The following SLC35F3 variants were observed in gnomAD, a reference collection of about 807,000 sequenced individuals.
SLC35F3 encodes the protein putative thiamine transporter SLC35F3.
In SLC35F3, 25 loss-of-function variants were observed where a neutral mutation model predicts 49.9. That is an observed-to-expected ratio of 0.50 (90% CI 0.37 to 0.70). The LOEUF is 0.70. Among genes scored for constraint, SLC35F3 ranks in the 30% least tolerant of loss-of-function variants. The probability of loss-of-function intolerance (pLI) is 0.00; values close to 1 mark genes in which losing one functional copy is unlikely to be tolerated. For synonymous variants in SLC35F3, 275 were observed against 265.4 expected, an observed-to-expected ratio of 1.04 and a Z score of -0.35; for missense variants, 525 against 639.8, an observed-to-expected ratio of 0.82 and a Z score of 1.94.
At chr1:234,135,946 C>G (rs1030878141) in intron 2 of SLC35F3, among the ~76,000 whole-genome samples, 1 of 152,068 alleles carries the variant, frequency 6.6e-6, no homozygotes, top group Non-Finnish European at 1.5e-5. Context: ...TAACTCTTTT[C>G]TGCACCGTGC....
At chr1:234,132,398 C>A (rs564842415) in intron 2 of SLC35F3, among the ~76,000 whole-genome samples, 361 of 152,286 alleles carry the variant, frequency 2.4e-3, no homozygotes, top group African/African-American at 8.2e-3. Flanking sequence ...AAGATAATTT[C>A]TGGAAGTAGA....
chr1:233,996,495 G>T (rs979639433), intron 2 of SLC35F3, among the ~76,000 whole-genome samples: 2 of 151,916 alleles, frequency 1.3e-5, no homozygotes, highest in African/African-American at 4.8e-5. Flanking sequence ...GCCAATTCAG[G>T]TGAGGAAAAG....
At chr1:234,265,937 G>A (rs1481456616) in intron 3 of SLC35F3, among the ~76,000 whole-genome samples, 1 of 152,036 alleles carries the variant, frequency 6.6e-6, no homozygotes, top group Non-Finnish European at 1.5e-5. Flanking sequence ...CATGACGTCT[G>A]CAGGCCTCAC....
chr1:234,236,810 C>T (rs1176069945), intron 3 of SLC35F3, among the ~76,000 whole-genome samples: 1 of 151,584 alleles, frequency 6.6e-6, no homozygotes, highest in Admixed American at 6.6e-5. Context: ...TCCAGGTCAA[C>T]ATATACTTCT....
intron 2 of SLC35F3, among the ~76,000 whole-genome samples, chr1:233,998,859 G>A (rs1417681496): frequency 6.6e-6 from 1 of 152,098 alleles, no homozygotes; most frequent in African/African-American, 2.4e-5. Flanking sequence ...GATCATTTTG[G>A]TACTTATTAA....
chr1:234,247,422 G>C (rs1667651449), intron 3 of SLC35F3, among the ~76,000 whole-genome samples: 1 of 152,058 alleles, frequency 6.6e-6, no homozygotes, highest in Admixed American at 6.6e-5. Context: ...TTGTTTGGTG[G>C]GTTGGTTGGT....
chr1:234,267,511 ACC>A (rs1254802490), intron 3 of SLC35F3, among the ~76,000 whole-genome samples: 1 of 128,304 alleles, frequency 7.8e-6, no homozygotes, highest in African/African-American at 3.3e-5. Flanking sequence ...CGGGGGGCTG[ACC>A]CCCCCACCTC....
intron 2 of SLC35F3, among the ~76,000 whole-genome samples, chr1:234,003,284 T>C (rs112217588): frequency 6.6e-6 from 1 of 152,200 alleles, no homozygotes; most frequent in Non-Finnish European, 1.5e-5. Context: ...ACTGTCTCCA[T>C]ATCAGGACCT....
intron 2 of SLC35F3, among the ~76,000 whole-genome samples, chr1:234,194,426 G>A (rs1260116657): frequency 6.6e-6 from 1 of 152,130 alleles, no homozygotes; most frequent in Non-Finnish European, 1.5e-5. Context: ...ATAATACAGT[G>A]GAATTTGGGG....
At chr1:234,188,237 CAAAA>C (rs112150679) in intron 2 of SLC35F3, among the ~76,000 whole-genome samples, 1 of 119,290 alleles carries the variant, frequency 8.4e-6, no homozygotes. Context: ...AACTCCGCCT[CAAAA>C]AAAAAAAAAA....
intron 6 of SLC35F3, among the ~76,000 whole-genome samples, chr1:234,319,773 G>C (rs1024642647): frequency 2.6e-5 from 4 of 152,186 alleles, no homozygotes; most frequent in African/African-American, 4.8e-5. Context: ...TGTTCATGCA[G>C]TTATCCCAGA....
intron 2 of SLC35F3, among the ~76,000 whole-genome samples, chr1:234,064,165 A>C (rs956531629): frequency 6.6e-6 from 1 of 152,068 alleles, no homozygotes; most frequent in African/African-American, 2.4e-5. Flanking sequence ...ATAGCCCTAG[A>C]TCCCCTCCAT....
intron 3 of SLC35F3, among the ~76,000 whole-genome samples, chr1:234,251,343 T>C (rs1667734722): frequency 6.6e-6 from 1 of 152,020 alleles, no homozygotes; most frequent in Non-Finnish European, 1.5e-5. Context: ...TGAGTGGATG[T>C]ATGATTTTCA....
intron 3 of SLC35F3, among the ~76,000 whole-genome samples, chr1:234,257,903 A>G (rs1275374322): frequency 6.6e-6 from 1 of 152,222 alleles, no homozygotes; most frequent in Non-Finnish European, 1.5e-5. Context: ...TGCATTACCT[A>G]TTTAAGTATA....
chr1:233,920,569 C>T (rs911869443), intron 2 of SLC35F3, among the ~76,000 whole-genome samples: 1 of 152,204 alleles, frequency 6.6e-6, no homozygotes, highest in Non-Finnish European at 1.5e-5. Flanking sequence ...GCACCAGGTA[C>T]CCCCTCTGGT....
chr1:234,274,849 A>C (rs558943694), intron 3 of SLC35F3, among the ~76,000 whole-genome samples: 8 of 152,350 alleles, frequency 5.3e-5, no homozygotes, highest in Non-Finnish European at 1.0e-4. Context: ...TAAAAGTGGC[A>C]TGCAGGCTTG....
intron 2 of SLC35F3, among the ~76,000 whole-genome samples, chr1:234,064,765 A>G (rs201254479): frequency 6.6e-6 from 1 of 151,720 alleles, no homozygotes; most frequent in East Asian, 1.9e-4. Flanking sequence ...GAGGTAGTTC[A>G]GGCATCATAG....
At chr1:234,162,762 G>A (rs1666247958) in intron 2 of SLC35F3, among the ~76,000 whole-genome samples, 1 of 152,242 alleles carries the variant, frequency 6.6e-6, no homozygotes, top group Admixed American at 6.5e-5. Context: ...ACTCAGTCCA[G>A]CTTGCTGGCA....
At chr1:234,160,385 G>C (rs1305780477) in intron 2 of SLC35F3, among the ~76,000 whole-genome samples, 1 of 152,146 alleles carries the variant, frequency 6.6e-6, no homozygotes, top group African/African-American at 2.4e-5. Flanking sequence ...GGCTGTTCCA[G>C]TCTTTTGCTA....
Sources: allele counts gnomAD v4.1 joint callset (sites outside exome capture counted in the v4.1 genomes callset), GRCh38; gene constraint gnomAD v4.1.1; transcripts MANE v1.5; gene names NCBI Gene and HGNC (gene_info 2026-07-23, HGNC 2026-07-21).